FN3KRP: variants seen among roughly 807,000 people sequenced by gnomAD.
The protein encoded by FN3KRP is fructosamine 3 kinase related protein, also known as ketosamine-3-kinase.
In FN3KRP, 33 loss-of-function variants were observed where a neutral mutation model predicts 29.8. That is an observed-to-expected ratio of 1.11 (90% CI 0.84 to 1.48). The LOEUF is 1.48. Ranked by LOEUF, FN3KRP falls within the 40% of genes most tolerant of loss-of-function variation. FN3KRP has a pLI of 0.00. For synonymous variants in FN3KRP, 157 were observed against 155.2 expected (o/e 1.01, Z -0.09); for missense variants, 430 against 402.6 (o/e 1.07, Z -0.58).
Position 82,720,372 on chromosome 17 carries a change from C to G in FN3KRP, c.385+9C>G, listed in dbSNP as rs1226855378. 1 of 1,609,580 alleles carries G rather than the reference C, an allele frequency of 6.2e-7. No individual in the cohort carries two copies. Among genetic ancestry groups the G allele is most frequent in the Non-Finnish European group, 8.5e-7 (1 of 1,177,812 alleles). ...GGAGGCGGGCACAGTGGGTATGGCA[C>G]TGCGCGGGCCACGGGTGCTCCCGCC... is the stretch of plus-strand genomic sequence containing the variant. On this transcript the variant is annotated intron_variant, in intron 3 of 5. Coordinates refer to ENST00000269373, the MANE Select transcript of FN3KRP (RefSeq NM_024619.4).
At chr17:82,722,064 C>T (rs1448043394) in intron 3 of FN3KRP, among the ~76,000 whole-genome samples, 5 of 149,352 alleles carry the variant, frequency 3.3e-5, no homozygotes, top group African/African-American at 1.2e-4. Context: ...AAATTCCCGA[C>T]CTCAGGTGAT....
In FN3KRP at chr17:82,720,364, G is replaced by A; in HGVS notation, c.385+1G>A. ...CGCCTGAAGGAGGCGGGCACAGTGG[G>A]TATGGCACTGCGCGGGCCACGGGTG... On this transcript the variant is annotated splice_donor_variant, in intron 3 of 5. Coordinates refer to ENST00000269373, the MANE Select transcript of FN3KRP (RefSeq NM_024619.4). LOFTEE classifies it high-confidence loss of function. 6.2e-7 allele frequency: 1 copy of A among 1,611,890 alleles called. No individual in the cohort carries two copies. The highest frequency in any genetic ancestry group is 8.5e-7 in the Non-Finnish European group (1 of 1,179,072).
At chr17:82,717,017 T>G in intron 1 of FN3KRP, 121 bp downstream of exon 1, 1 of 1,220,100 alleles carries the variant, frequency 8.2e-7, no homozygotes, top group East Asian at 3.0e-5. Flanking sequence ...CTCCCGGGAC[T>G]GCCGCCGCCG....
At chr17:82,724,272 T>C (rs1568061697) in intron 4 of FN3KRP, among the ~76,000 whole-genome samples, 1 of 151,588 alleles carries the variant, frequency 6.6e-6, no homozygotes, top group African/African-American at 2.4e-5. Context: ...CCAGCTTGGG[T>C]AATGGAGCAA....
At position 82,722,795 on chromosome 17, in the gene FN3KRP, G is replaced by C; in HGVS notation, c.386-9G>C. 1 of 1,613,066 alleles carries C rather than the reference G, an allele frequency of 6.2e-7. No homozygotes were observed. The highest frequency in any genetic ancestry group is 8.5e-7 in the Non-Finnish European group (1 of 1,179,680). On this transcript the variant is annotated splice_polypyrimidine_tract_variant and intron_variant, in intron 3 of 5. Transcript: ENST00000269373. ...AACTAATTTCCTTTCTTTTACTTTT[G>C]CTTGCAAGGGAGAGGAGGTGGGCAG...
At chr17:82,724,526 C>T (rs2046823407) in intron 4 of FN3KRP, among the ~76,000 whole-genome samples, 1 of 151,924 alleles carries the variant, frequency 6.6e-6, no homozygotes, top group African/African-American at 2.4e-5. Flanking sequence ...ATCGCTTGAA[C>T]CCGGGAGACA....
At position 82,727,851 on chromosome 17, in the gene FN3KRP, A is replaced by G. The variant is rs2143624247; in HGVS notation, c.*680A>G. On this transcript the variant is annotated 3_prime_UTR_variant, in exon 6 of 6. Transcript: ENST00000269373. ...TACCCCGTCTCCTCTGCCATTTTCT[A>G]CAGCTTGCTGAGTTGTCATTCCTTT... 1 of 152,170 alleles carries G rather than the reference A, an allele frequency of 6.6e-6. No individual in the cohort carries two copies. The highest frequency in any genetic ancestry group is 2.4e-5 in the African/African-American group (1 of 41,494). The allele number at this position is 152,170 out of a possible 1,614,324, so 9.4% of individuals were successfully genotyped here. A position where few individuals can be genotyped will look rare whatever the true frequency, so the allele number is the denominator to read the frequency against.
intron 4 of FN3KRP, among the ~76,000 whole-genome samples, chr17:82,723,446 G>A (rs1598334586): frequency 6.6e-6 from 1 of 152,176 alleles, no homozygotes; most frequent in South Asian, 2.1e-4. Context: ...GCTGGCGGGG[G>A]GTGGGGGGTT....
chr17:82,725,251 C>T (rs1338259761), intron 4 of FN3KRP, among the ~76,000 whole-genome samples: 1 of 152,128 alleles, frequency 6.6e-6, no homozygotes, highest in Non-Finnish European at 1.5e-5. Flanking sequence ...GCCCCAGCCT[C>T]CCATGTAGCT....
intron 5 of FN3KRP, 67 bp downstream of exon 5, chr17:82,726,669 A>G: frequency 6.4e-7 from 1 of 1,558,198 alleles, no homozygotes; most frequent in Non-Finnish European, 8.7e-7. Flanking sequence ...TAGGGGAGGC[A>G]CCAAGGCAGG....
intron 4 of FN3KRP, among the ~76,000 whole-genome samples, 196 bp from the exon 5 acceptor site, chr17:82,726,284 G>A (rs982345172): frequency 1.2e-4 from 18 of 152,202 alleles, no homozygotes; most frequent in African/African-American, 4.3e-4. Context: ...TCTTGGGATA[G>A]GATCTGAGGT....
At chr17:82,726,374 G>T in intron 4 of FN3KRP, 106 bp from the exon 5 acceptor site, 8 of 1,428,936 alleles carry the variant, frequency 5.6e-6, no homozygotes, top group Non-Finnish European at 7.6e-6. Flanking sequence ...CCCCTCCCAC[G>T]TGCCGCTCCT....
intron 4 of FN3KRP, among the ~76,000 whole-genome samples, chr17:82,723,628 TGTGTGCACAC>T (rs1211370917): frequency 3.4e-5 from 5 of 148,556 alleles, no homozygotes; most frequent in East Asian, 1.9e-4. Context: ...CATATGTGTA[TGTGTGCACAC>T]GTGTGTGCAT....
rs557244633 is a variant in FN3KRP, at chr17:82,720,301, C to T, written c.323C>T (p.Ala108Val). Residue 108 changes from alanine to valine, a missense_variant, in exon 3 of 6, where the codon GCC becomes GTC. Transcript: ENST00000269373. The stretch of plus-strand genomic sequence containing the variant: ...GCTGCAAAGCTTGGAGCCCAGCTGG[C>T]CGATTTACACCTTGATAACAAGAAG... ...SHAAKLGAQL[A>V]DLHLDNKKLG... The T allele has an allele frequency of 1.6e-5, 26 of 1,613,950 alleles. No homozygotes were observed. The highest frequency in any genetic ancestry group is 2.7e-5 in the African/African-American group (2 of 74,936).
At chr17:82,723,799 T>C (rs940370321) in intron 4 of FN3KRP, among the ~76,000 whole-genome samples, 2 of 152,038 alleles carry the variant, frequency 1.3e-5, no homozygotes, top group African/African-American at 4.8e-5. Flanking sequence ...GACCTGGATG[T>C]CCTTTCTCGG....
intron 2 of FN3KRP, 46 bp downstream of exon 2, chr17:82,719,103 G>T (rs777999730): frequency 5.2e-6 from 8 of 1,527,822 alleles, no homozygotes; most frequent in Admixed American, 3.7e-5. Flanking sequence ...ACCTGAGCAG[G>T]TGTGTCTTCA....
chr17:82,727,083 A>G lies in FN3KRP; in HGVS notation c.842A>G (p.Gln281Arg). 1 of 1,614,162 alleles carries G rather than the reference A, an allele frequency of 6.2e-7. No homozygotes were observed. The highest frequency in any genetic ancestry group is 1.1e-5 in the South Asian group (1 of 91,080). Residue 281 changes from glutamine to arginine, a missense_variant, in exon 6 of 6, where the codon CAG (glutamine) becomes CGG (arginine). Coordinates refer to ENST00000269373, the MANE Select transcript of FN3KRP (RefSeq NM_024619.4). ...PGFEKRLQLY[Q>R]LFHYLNHWNH... ...TTCGAGAAGCGCCTTCAGTTGTATC[A>G]GCTCTTTCACTACTTGAACCACTGG...
chr17:82,724,529 G>A (rs965760988), intron 4 of FN3KRP, among the ~76,000 whole-genome samples: 1 of 151,938 alleles, frequency 6.6e-6, no homozygotes, highest in African/African-American at 2.4e-5. Context: ...GCTTGAACCC[G>A]GGAGACAGAG....
intron 3 of FN3KRP, among the ~76,000 whole-genome samples, chr17:82,722,366 C>G (rs1029745070): frequency 4.6e-5 from 7 of 152,246 alleles, no homozygotes. Context: ...AACTGCTGAC[C>G]TCCGGTGATC....
Sources: allele counts gnomAD v4.1 joint callset (sites outside exome capture counted in the v4.1 genomes callset), GRCh38; gene constraint gnomAD v4.1.1; transcripts MANE v1.5; gene names NCBI Gene and HGNC (gene_info 2026-07-23, HGNC 2026-07-21).